Variants in DAB1 observed in about 807,000 individuals in gnomAD.
The protein encoded by DAB1 is DAB adaptor protein 1, also known as disabled homolog 1.
In DAB1, 15 loss-of-function variants were observed where a neutral mutation model predicts 64.6. That is an observed-to-expected ratio of 0.23 (90% confidence interval 0.16 to 0.36). The LOEUF (loss-of-function observed/expected upper bound fraction) is 0.36. DAB1 is among the 10% of genes least tolerant of loss of function. The probability of loss-of-function intolerance (pLI) is 1.00; values close to 1 mark genes in which losing one functional copy is unlikely to be tolerated. For synonymous variants in DAB1, 235 were observed against 251.9 expected (o/e 0.93, Z 0.64); for missense variants, 596 against 706.7 (o/e 0.84, Z 1.78).
chr1:57,857,685 C>T (rs1197821968), intron 1 of DAB1, among the ~76,000 whole-genome samples: 1 of 151,946 alleles, frequency 6.6e-6, no homozygotes, highest in Non-Finnish European at 1.5e-5. Context: ...TCCATTCAAC[C>T]ATCTACTATT....
At chr1:57,393,951 G>T (rs1682601995) in intron 1 of DAB1, among the ~76,000 whole-genome samples, 1 of 152,040 alleles carries the variant, frequency 6.6e-6, no homozygotes, top group South Asian at 2.1e-4. Flanking sequence ...CCCACATATA[G>T]GTAGATCTAC....
At chr1:57,598,168 AAGACG>A (rs780392891) in intron 7 of DAB1, among the ~76,000 whole-genome samples, 12 of 152,036 alleles carry the variant, frequency 7.9e-5, no homozygotes, top group Non-Finnish European at 1.2e-4. Context: ...ATTTTTAGTA[AAGACG>A]AGGTTTCACC....
chr1:57,140,107 A>C (rs1051234256), intron 3 of DAB1, among the ~76,000 whole-genome samples: 3 of 152,110 alleles, frequency 2.0e-5, no homozygotes, highest in African/African-American at 7.2e-5. Context: ...ACTGTGCAGA[A>C]CTAACAGAGG....
chr1:57,353,881 T>C (rs1678833984), intron 1 of DAB1, among the ~76,000 whole-genome samples: 1 of 152,178 alleles, frequency 6.6e-6, no homozygotes, highest in African/African-American at 2.4e-5. Flanking sequence ...AGTATAAAAA[T>C]GAAGGCAGCC....
chr1:57,055,022 C>T (rs1326950346), intron 9 of DAB1, among the ~76,000 whole-genome samples: 3 of 152,196 alleles, frequency 2.0e-5, no homozygotes, highest in Non-Finnish European at 4.4e-5. Flanking sequence ...ACTCATCCTT[C>T]AAGGCTTTGC....
chr1:58,350,085 GC>G (rs1644037135), intron 3 of DAB1, among the ~76,000 whole-genome samples: 2 of 152,170 alleles, frequency 1.3e-5, no homozygotes, highest in Non-Finnish European at 2.9e-5. Context: ...ATGTGTAAAA[GC>G]ATTCCTATTT....
At chr1:57,683,318 A>G (rs761635712) in intron 6 of DAB1, among the ~76,000 whole-genome samples, 11 of 152,136 alleles carry the variant, frequency 7.2e-5, no homozygotes, top group Non-Finnish European at 1.6e-4. Context: ...CAAAAGAAAC[A>G]TGAGTGCAGT....
chr1:57,389,577 A>C (rs1682172460), intron 1 of DAB1, among the ~76,000 whole-genome samples: 1 of 152,186 alleles, frequency 6.6e-6, no homozygotes, highest in Admixed American at 6.5e-5. Flanking sequence ...TTATCCTATT[A>C]TCCTAACATC....
chr1:58,141,902 G>A (rs549039319), intron 5 of DAB1, among the ~76,000 whole-genome samples: 24 of 152,154 alleles, frequency 1.6e-4, no homozygotes, highest in African/African-American at 5.3e-4. Flanking sequence ...ACCTTCCACC[G>A]CCTTTCCCTG....
chr1:57,543,034 A>T (rs1168238129), intron 7 of DAB1, among the ~76,000 whole-genome samples: 1 of 152,112 alleles, frequency 6.6e-6, no homozygotes, highest in African/African-American at 2.4e-5. Flanking sequence ...GCTTGGAGGC[A>T]TATCCTTTAG....
intron 5 of DAB1, among the ~76,000 whole-genome samples, chr1:58,108,397 A>G (rs567386726): frequency 2.4e-4 from 36 of 152,302 alleles, no homozygotes; most frequent in African/African-American, 8.4e-4. Context: ...ACTGGAAACC[A>G]TATCATGAAC....
At chr1:57,505,525 T>C (rs1189154146) in intron 7 of DAB1, among the ~76,000 whole-genome samples, 11 of 152,192 alleles carry the variant, frequency 7.2e-5, no homozygotes, top group Non-Finnish European at 1.0e-4. Context: ...GGTGTCCTTA[T>C]GGAAGATGGG....
intron 7 of DAB1, among the ~76,000 whole-genome samples, chr1:57,441,268 C>T (rs58450942): frequency 7.8e-6 from 1 of 128,212 alleles, no homozygotes; most frequent in South Asian, 2.5e-4. Context: ...TCTTTTCTTT[C>T]TTTCTCTTTC....
chr1:58,107,949 T>C lies in DAB1; in HGVS notation n.387+42562A>G, dbSNP rs2806412. Among the ~76,000 whole-genome samples the C allele has an allele frequency of 5.6e-3, 850 of 151,990 alleles. 6 individuals carry two copies. The highest frequency in any genetic ancestry group is 0.018 in the African/African-American group (757 of 41,452). On this transcript the variant is annotated intron_variant and non_coding_transcript_variant, in intron 5 of 20. Coordinates refer to the DAB1 transcript ENST00000485760. Reference sequence around the variant, plus strand: ...CATGTTTTAAACACAGGGAAAAAAATGGGCAAAACCTGGGAGGAAAATGAA... The same window carrying C: ...CATGTTTTAAACACAGGGAAAAAAACGGGCAAAACCTGGGAGGAAAATGAA...
intron 7 of DAB1, 82 bp downstream of exon 7, chr1:57,070,941 T>G: frequency 8.2e-7 from 1 of 1,215,610 alleles, no homozygotes; most frequent in Non-Finnish European, 1.2e-6. Flanking sequence ...AGTCAGTGGA[T>G]TCTTCAGGTT....
chr1:57,119,217 A>C (rs1269403068), intron 4 of DAB1, among the ~76,000 whole-genome samples: 1 of 152,214 alleles, frequency 6.6e-6, no homozygotes, highest in Non-Finnish European at 1.5e-5. Context: ...ACAATGCAAG[A>C]TTTATGGCAT....
chr1:57,727,444 C>T (rs1315453230), intron 6 of DAB1, among the ~76,000 whole-genome samples: 1 of 152,190 alleles, frequency 6.6e-6, no homozygotes, highest in Non-Finnish European at 1.5e-5. Flanking sequence ...TCCTTCACAT[C>T]TTATTACCTG....
chr1:57,812,324 A>T (rs1651664981), intron 6 of DAB1, among the ~76,000 whole-genome samples: 1 of 21,928 alleles, frequency 4.6e-5, no homozygotes, highest in African/African-American at 2.8e-4. Flanking sequence ...ATTGCCAAAA[A>T]AAAAAAAAAA....
intron 6 of DAB1, among the ~76,000 whole-genome samples, chr1:57,811,676 C>G (rs958282934): frequency 6.6e-6 from 1 of 152,218 alleles, no homozygotes; most frequent in Non-Finnish European, 1.5e-5. Context: ...CACTATTTAG[C>G]CTACTACAAA....
Sources: gnomAD v4.1 joint callset for allele counts (sites outside exome capture counted in the v4.1 genomes callset) on GRCh38, gnomAD v4.1.1 for gene constraint, MANE v1.5 for transcripts, NCBI Gene and HGNC (gene_info 2026-07-23, HGNC 2026-07-21) for gene names.